SDK2: variants seen among roughly 807,000 people sequenced by gnomAD.
SDK2 encodes sidekick cell adhesion molecule 2.
SDK2 carries 105 observed loss-of-function variants against 253.9 expected under a neutral mutation model. The ratio of observed to expected loss-of-function variants is 0.41; its 90% CI spans 0.35 to 0.49. The LOEUF is 0.49. Ranked by LOEUF, SDK2 falls within the 20% of genes least tolerant of loss-of-function variation. The probability of loss-of-function intolerance (pLI) is 0.06; values close to 1 mark genes in which losing one functional copy is unlikely to be tolerated. For synonymous variants in SDK2, 1,249 were observed against 1,234.9 expected, an observed-to-expected ratio of 1.01 and a Z score of -0.24; for missense variants, 2,608 against 3,003.0, an observed-to-expected ratio of 0.87 and a Z score of 3.07.
In SDK2 at chr17:73,643,964, G is replaced by GCCCC; in HGVS notation, c.64+57_64+60dup. The GCCCC allele has an allele frequency of 1.9e-6, 1 of 516,326 alleles. No homozygotes were observed. 32.0% of individuals were successfully genotyped at this position (516,326 alleles called of 1,614,324 possible). A position where few individuals can be genotyped will look rare whatever the true frequency, so the allele number is the denominator to read the frequency against. On this transcript the variant is annotated intron_variant, in intron 1 of 44. Coordinates refer to ENST00000392650, the MANE Select transcript of SDK2 (RefSeq NM_001144952.2). The surrounding 1 kb of genome is among the most constrained non-coding windows in gnomAD (Gnocchi z 6.9). ...ACCGTGAGGCCGGCCAGCTCCCGCCGCCCCTCCCCCGCCCACTCTCCCAGC... is the reference window on the plus strand; with the variant it reads ...ACCGTGAGGCCGGCCAGCTCCCGCCGCCCCCCCCTCCCCCGCCCACTCTCCCAGC...
chr17:73,624,450 C>T (rs1484957615), intron 1 of SDK2, among the ~76,000 whole-genome samples: 2 of 152,086 alleles, frequency 1.3e-5, no homozygotes, highest in Non-Finnish European at 2.9e-5. Context: ...TGCAGTGAGC[C>T]GAGATTGTGC....
chr17:73,508,709 T>C (rs1202078191), intron 1 of SDK2, among the ~76,000 whole-genome samples: 1 of 152,200 alleles, frequency 6.6e-6, no homozygotes, highest in Admixed American at 6.5e-5. Flanking sequence ...GTTAGAAACC[T>C]GCCCAAGGTC....
At chr17:73,412,153 CGT>C (rs2063143407) in intron 18 of SDK2, among the ~76,000 whole-genome samples, 1 of 5,166 alleles carries the variant, frequency 1.9e-4, no homozygotes, top group African/African-American at 3.0e-4. Flanking sequence ...TGTATATATA[CGT>C]ATATATGTAT....
chr17:73,605,607 C>T (rs1398547943), intron 1 of SDK2, among the ~76,000 whole-genome samples: 2 of 152,168 alleles, frequency 1.3e-5, no homozygotes, highest in African/African-American at 4.8e-5. Flanking sequence ...AGCCCAGCAT[C>T]ACCTCCTCCA....
rs115258327 is a variant in SDK2, at chr17:73,507,047, C to G, written c.224+391G>C. On this transcript the variant is annotated intron_variant, in intron 2 of 44. Transcript: ENST00000392650. The stretch of plus-strand genomic sequence containing the variant: ...CCAGGTTGCTGCAGAGCCCACCCCT[C>G]CATTGGACCCAGGCCCCACAACAAG... Among the ~76,000 whole-genome samples, 1,211 of 152,368 alleles carry G rather than the reference C, an allele frequency of 7.9e-3. 17 individuals carry two copies. Among genetic ancestry groups the G allele is most frequent in the African/African-American group, 0.028 (1,174 of 41,590 alleles).
intron 44 of SDK2, among the ~76,000 whole-genome samples, chr17:73,340,127 C>T (rs529283625): frequency 6.6e-6 from 1 of 152,318 alleles, no homozygotes; most frequent in South Asian, 2.1e-4. Flanking sequence ...CCGCCTTGGC[C>T]TCTCAAAGTG....
intron 44 of SDK2, among the ~76,000 whole-genome samples, chr17:73,341,980 G>C (rs1211031254): frequency 2.0e-5 from 3 of 151,918 alleles, no homozygotes; most frequent in African/African-American, 7.3e-5. Context: ...GATCCGGCCG[G>C]GCTTGAACTC....
intron 1 of SDK2, among the ~76,000 whole-genome samples, chr17:73,514,473 T>C (rs933098153): frequency 1.3e-5 from 2 of 152,172 alleles, no homozygotes; most frequent in Non-Finnish European, 1.5e-5. Flanking sequence ...GCTGTGTCCA[T>C]CTCACTGTTC....
At chr17:73,444,147 C>G (rs2063435332) in intron 5 of SDK2, among the ~76,000 whole-genome samples, 1 of 152,314 alleles carries the variant, frequency 6.6e-6, no homozygotes, top group South Asian at 2.1e-4. Context: ...GGGAAGAGCT[C>G]TCCCTGCTAG....
At position 73,395,354 on chromosome 17, in the gene SDK2, G is replaced by A. The variant is rs781043454; in HGVS notation, c.3393C>T (p.Ser1131=). The change falls in exon 25 of 45, where the codon TCC becomes TCT. Residue 1131 remains serine (S), a synonymous_variant. Transcript: ENST00000392650. This position sits in a 1 kb window ranked among gnomAD's most constrained non-coding sequence, Gnocchi z 4.3. Reference sequence around the variant, plus strand: ...GGCTGTACTTGATCTTATAGCCCACGGACTCAGGGTTCCCATTGTATTCCA... The same window carrying A: ...GGCTGTACTTGATCTTATAGCCCACAGACTCAGGGTTCCCATTGTATTCCA... ...PEMEYNGNPE[S]VGYKIKYSRS... 1.9e-5 allele frequency: 31 copies of A among 1,613,786 alleles called. No individual in the cohort carries two copies. Among genetic ancestry groups the A allele is most frequent in the African/African-American group, 8.0e-5 (6 of 74,900 alleles).
chr17:73,643,957 T>TGCCCCCCCCC lies in SDK2; in HGVS notation c.64+67_64+68insGGGGGGGGGC. 1 of 1,019,990 alleles carries TGCCCCCCCCC rather than the reference T, an allele frequency of 9.8e-7. No homozygotes were observed. The highest frequency in any genetic ancestry group is 1.5e-6 in the Non-Finnish European group (1 of 674,876). The allele number at this position is 1,019,990 out of a possible 1,614,324, so 63.2% of individuals were successfully genotyped here. A position where few individuals can be genotyped will look rare whatever the true frequency, so the allele number is the denominator to read the frequency against. On this transcript the variant is annotated intron_variant, in intron 1 of 44. Coordinates refer to ENST00000392650, the MANE Select transcript of SDK2 (RefSeq NM_001144952.2). This position sits in a 1 kb window ranked among gnomAD's most constrained non-coding sequence, Gnocchi z 6.9. Reference sequence around the variant, plus strand: ...GGAGGTCACCGTGAGGCCGGCCAGCTCCCGCCGCCCCTCCCCCGCCCACTC... The same window carrying TGCCCCCCCCC: ...GGAGGTCACCGTGAGGCCGGCCAGCTGCCCCCCCCCCCCGCCGCCCCTCCCCCGCCCACTC...
In SDK2 at chr17:73,399,209, C is replaced by G; in HGVS notation, c.3052G>C (p.Asp1018His). 6.2e-7 allele frequency: 1 copy of G among 1,613,910 alleles called. No homozygotes were observed. Among genetic ancestry groups the G allele is most frequent in the Non-Finnish European group, 8.5e-7 (1 of 1,179,864 alleles). The part of the protein sequence containing the change: ...SVTLQFRPGY[D>H]GKTSISRWLV... ...CAGCGGGAGATGGAGGTTTTCCCATCGTAGCCTGGCCTGAACTGCAAGGTC... is the reference window on the plus strand; with the variant it reads ...CAGCGGGAGATGGAGGTTTTCCCATGGTAGCCTGGCCTGAACTGCAAGGTC... The change falls in exon 22 of 45, where the codon GAT becomes CAT. Residue 1018 changes from aspartate to histidine, a missense_variant. This residue lies in a region of SDK2 where 1,505 missense variants were observed against 1,859.1 expected (regional missense o/e 0.81). Transcript: ENST00000392650.
intron 15 of SDK2, 83 bp from the exon 16 acceptor site, chr17:73,419,389 T>C: frequency 6.8e-7 from 1 of 1,474,222 alleles, no homozygotes. Flanking sequence ...AACCCTGGCC[T>C]GCTCTGACTC....
intron 2 of SDK2, among the ~76,000 whole-genome samples, chr17:73,491,251 C>G (rs2063804487): frequency 6.6e-6 from 1 of 152,158 alleles, no homozygotes; most frequent in African/African-American, 2.4e-5. Context: ...TTATCTAGGA[C>G]AAGCCCTGGC....
chr17:73,422,953 A>G (rs753499169), intron 14 of SDK2, among the ~76,000 whole-genome samples: 1 of 152,126 alleles, frequency 6.6e-6, no homozygotes, highest in Non-Finnish European at 1.5e-5. Context: ...CCCGGGAGGC[A>G]GAGGTTGCAG....
chr17:73,488,092 T>C (rs1171177735), intron 2 of SDK2, among the ~76,000 whole-genome samples: 4 of 152,154 alleles, frequency 2.6e-5, no homozygotes, highest in Non-Finnish European at 5.9e-5. Flanking sequence ...CTCGGCTCAC[T>C]GCAAGCTCTG....
intron 1 of SDK2, among the ~76,000 whole-genome samples, chr17:73,560,939 G>A (rs77965888): frequency 2.6e-5 from 4 of 152,226 alleles, no homozygotes; most frequent in South Asian, 2.1e-4. Context: ...GTCAGGAAGC[G>A]GGGCGTGTGG....
intron 1 of SDK2, among the ~76,000 whole-genome samples, chr17:73,588,837 A>C (rs549957247): frequency 9.1e-4 from 139 of 152,366 alleles, no homozygotes; most frequent in Non-Finnish European, 1.5e-3. Context: ...TGACAACCGG[A>C]CAGGCGTGGG....
intron 14 of SDK2, among the ~76,000 whole-genome samples, chr17:73,422,684 C>A (rs750457808): frequency 6.6e-6 from 1 of 152,078 alleles, no homozygotes; most frequent in Admixed American, 6.6e-5. Context: ...TTGTCTCCCC[C>A]ACTACCCCCC....
Sources: gnomAD v4.1 joint callset for allele counts (sites outside exome capture counted in the v4.1 genomes callset) on GRCh38, gnomAD v4.1.1 for gene constraint, gnomAD v4.1.1 regional missense constraint, Gnocchi (gnomAD v3.1) non-coding constraint, MANE v1.5 for transcripts, NCBI Gene and HGNC (gene_info 2026-07-23, HGNC 2026-07-21) for gene names.